ARHGAP36: variants seen among roughly 807,000 people sequenced by gnomAD.
ARHGAP36 encodes Rho GTPase activating protein 36.
In ARHGAP36, 7 loss-of-function variants were observed where a neutral mutation model predicts 32.9. That is an observed-to-expected ratio of 0.21 (90% CI 0.12 to 0.40). The LOEUF (loss-of-function observed/expected upper bound fraction) is 0.40, where lower values mean the gene tolerates loss of function less well. ARHGAP36 is among the 10% of genes least tolerant of loss of function. The pLI, the probability that ARHGAP36 is intolerant of heterozygous loss-of-function variation, is 1.00. For missense variants in ARHGAP36, 383 were observed against 442.2 expected (o/e 0.87, Z 1.20); for synonymous variants, 165 against 168.3 (o/e 0.98, Z 0.15).
At chrX:131,063,960 T>C (rs766903745) in intron 1 of ARHGAP36, among the ~76,000 whole-genome samples, 2 of 112,095 alleles carry the variant, frequency 1.8e-5, no homozygotes, top group South Asian at 7.6e-4. Context: ...CTGCATAGCA[T>C]ATCTCAGAGA....
chrX:131,063,610 T>A (rs774404445), intron 1 of ARHGAP36, among the ~76,000 whole-genome samples: 1 of 110,333 alleles, frequency 9.1e-6, no homozygotes, highest in South Asian at 4.0e-4. Context: ...CCTTCCAGAG[T>A]CTGGGAACAT....
chrX:131,083,744 C>G lies in ARHGAP36; in HGVS notation c.330C>G (p.His110Gln), dbSNP rs1362692388. The G allele has an allele frequency of 8.3e-7, 1 of 1,211,247 alleles. No homozygotes were observed. Residue 110 changes from histidine (H) to glutamine (Q), a missense_variant, in exon 4 of 12, where the codon CAC becomes CAG. Physicochemically the swap from His to Gln is conservative, Grantham distance 24 (BLOSUM62 0). Coordinates refer to ENST00000276211, the MANE Select transcript of ARHGAP36 (RefSeq NM_144967.4). ...CTCGTGGCTCCCCAGCTGTATCACA[C>G]AAGACATTTGGCATTAGCCTGGAAG... Reference protein sequence around the residue: ...ILRGQQRAVSHKTFGISLEEV... With the variant: ...ILRGQQRAVSQKTFGISLEEV...
chrX:131,078,936 G>A (rs1468552299), intron 1 of ARHGAP36, among the ~76,000 whole-genome samples: 1 of 111,145 alleles, frequency 9.0e-6, no homozygotes, highest in Non-Finnish European at 1.9e-5. Context: ...TCTCCTTTTG[G>A]GGCTGTTGTT....
Position 131,084,514 on chromosome X carries a change from A to G in ARHGAP36, c.748+107A>G, listed in dbSNP as rs1040982512. On this transcript the variant is annotated intron_variant, in intron 5 of 11. Coordinates refer to ENST00000276211, the MANE Select transcript of ARHGAP36 (RefSeq NM_144967.4). Reference sequence around the variant, plus strand: ...GCCGAGGATGAAGGGCTTGGATAACATTCCCCTGACACCCAGTGGAGGTCG... The same window carrying G: ...GCCGAGGATGAAGGGCTTGGATAACGTTCCCCTGACACCCAGTGGAGGTCG... 1.9e-5 allele frequency: 21 copies of G among 1,131,856 alleles called. No homozygotes were observed. In the Admixed American group the frequency reaches 2.5e-4, roughly 14 times the overall value. 93.3% of individuals were successfully genotyped at this position (1,131,856 alleles called of 1,213,427 possible).
intron 1 of ARHGAP36, among the ~76,000 whole-genome samples, chrX:131,067,310 A>T (rs1035243287): frequency 8.8e-5 from 10 of 113,011 alleles, no homozygotes. Context: ...GAGGGGTGTC[A>T]GGTCAGAGAC....
At chrX:131,084,735 G>T (rs1439156050) in intron 6 of ARHGAP36, 54 bp downstream of exon 6, 2 of 1,197,010 alleles carry the variant, frequency 1.7e-6, no homozygotes, top group African/African-American at 3.5e-5. Context: ...AGCAGGAGGA[G>T]GTGGGGTTTC....
At chrX:131,085,562 G>C (rs761692655) in intron 7 of ARHGAP36, 26 bp from the exon 8 acceptor site, 1 of 1,204,712 alleles carries the variant, frequency 8.3e-7, no homozygotes, top group Admixed American at 2.2e-5. Context: ...ATCCCCCTGA[G>C]ACAGCCCCTG....
Position 131,081,624 on chromosome X carries a change from G to A in ARHGAP36, c.-42G>A. 8.4e-7 allele frequency: 1 copy of A among 1,187,790 alleles called. No individual in the cohort carries two copies. Among genetic ancestry groups the A allele is most frequent in the Non-Finnish European group, 1.1e-6 (1 of 884,240 alleles). On this transcript the variant is annotated 5_prime_UTR_variant, in exon 2 of 12. Coordinates refer to ENST00000276211, the MANE Select transcript of ARHGAP36 (RefSeq NM_144967.4). ...CATAGTTCTCTCCACCAGGTCCAGT[G>A]ACAATTGGATGATGCAGCCTTGATA... is the stretch of plus-strand genomic sequence containing the variant.
At chrX:131,082,516 C>T (rs1306629353) in intron 2 of ARHGAP36, among the ~76,000 whole-genome samples, 2 of 112,714 alleles carry the variant, frequency 1.8e-5, no homozygotes, top group Non-Finnish European at 3.8e-5. Context: ...GGGGTAAGCG[C>T]GCGGATTTGG....
rs2079824762 is a variant in ARHGAP36, at chrX:131,084,677, G to A, written c.800G>A (p.Arg267His). ...CTTGAATACTCCGTGCAGCGAGTGC[G>A]TCAGGTAAATTGGCTATGTTTACAT... ...FTLEYSVQRV[R>H]QLREEFDQGL... The change falls in exon 6 of 12, where the codon CGT becomes CAT. Residue 267 changes from arginine to histidine, a missense_variant. Arg to His is a conservative substitution (Grantham distance 29). This residue lies in a region of ARHGAP36 where 227 missense variants were observed against 311.3 expected (regional missense o/e 0.73). Coordinates refer to ENST00000276211, the MANE Select transcript of ARHGAP36 (RefSeq NM_144967.4). The A allele has an allele frequency of 8.3e-7, 1 of 1,211,716 alleles. No homozygotes were observed. The highest frequency in any genetic ancestry group is 1.7e-5 in the African/African-American group (1 of 57,866).
At chrX:131,075,761 C>T (rs1425452357) in intron 1 of ARHGAP36, among the ~76,000 whole-genome samples, 1 of 110,228 alleles carries the variant, frequency 9.1e-6, no homozygotes, top group East Asian at 2.8e-4. Context: ...AGAAGGTAGT[C>T]TTGGTTTAGA....
intron 1 of ARHGAP36, among the ~76,000 whole-genome samples, 189 bp from the exon 2 acceptor site, chrX:131,081,331 TTAAC>T (rs1266412249): frequency 9.0e-6 from 1 of 111,215 alleles, no homozygotes; most frequent in South Asian, 3.8e-4. Flanking sequence ...CTCTAATTAA[TTAAC>T]TAATTAATTA....
At chrX:131,078,856 T>C (rs887969831) in intron 1 of ARHGAP36, 12 of 586,267 alleles carry the variant, frequency 2.0e-5, no homozygotes, top group African/African-American at 4.7e-5. Context: ...CGGTTTATTC[T>C]AAGGCCTTTG....
Position 131,086,668 on chromosome X carries a change from C to G in ARHGAP36, c.1486+3C>G, listed in dbSNP as rs781021878. The G allele has an allele frequency of 2.5e-6, 3 of 1,208,418 alleles. No homozygotes were observed. The highest frequency in any genetic ancestry group is 3.4e-6 in the Non-Finnish European group (3 of 892,781). ...TCAAAGCAAGCCTTCTGATGAAGGT[C>G]AGTTCCCTGCTGGAGGTCAGGCCCT... On this transcript the variant is annotated splice_donor_region_variant and intron_variant, in intron 11 of 11. Transcript: ENST00000276211.
chrX:131,062,836 A>C (rs5975237), intron 1 of ARHGAP36, among the ~76,000 whole-genome samples: 8,068 of 111,584 alleles, frequency 0.072, 484 homozygotes, highest in African/African-American at 0.2. Flanking sequence ...AATCTCAGAG[A>C]AGTTTAGTAA....
chrX:131,088,742 G>A lies in ARHGAP36; in HGVS notation c.1601G>A (p.Arg534Gln), dbSNP rs376197707. 6 of 1,208,943 alleles carry A rather than the reference G, an allele frequency of 5.0e-6. No individual in the cohort carries two copies. The South Asian group carries it at 7.1e-5, about 14-fold the overall frequency. ...GACCGCCCATTGCTCCGTGTGCCCCGGGAGAAGGAGGCCAAAACTGGCGTC... is the reference window on the plus strand; with the variant it reads ...GACCGCCCATTGCTCCGTGTGCCCCAGGAGAAGGAGGCCAAAACTGGCGTC... ...EQDRPLLRVP[R>Q]EKEAKTGVSY... Residue 534 changes from arginine (R) to glutamine (Q), a missense_variant, in exon 12 of 12, where the codon CGG becomes CAG. Arg to Gln is a conservative substitution (Grantham distance 43). Around this residue, in one of 2 missense-constraint regions of ARHGAP36, gnomAD observed 227 missense variants for 311.3 expected, o/e 0.73. Transcript: ENST00000276211.
intron 1 of ARHGAP36, 100 bp downstream of exon 1, chrX:131,058,544 C>T (rs1320513802): frequency 5.7e-6 from 4 of 706,020 alleles, no homozygotes; most frequent in South Asian, 5.8e-5. Context: ...CTGGTCGCCC[C>T]CTTGCCTCCC....
At chrX:131,070,247 C>G (rs760321101) in intron 1 of ARHGAP36, among the ~76,000 whole-genome samples, 1 of 112,572 alleles carries the variant, frequency 8.9e-6, no homozygotes, top group African/African-American at 3.2e-5. Flanking sequence ...AAGAAAGCCT[C>G]TTTCCTGGAG....
chrX:131,088,647 T>A lies in ARHGAP36; in HGVS notation c.1506T>A (p.Ala502=). Reference sequence around the variant, plus strand: ...TTTCAGGTTCCTCTGAGGAGCCAGCTGTGCCTTCCGGCACTGCCCGTTCCC... The same window carrying A: ...TTTCAGGTTCCTCTGAGGAGCCAGCAGTGCCTTCCGGCACTGCCCGTTCCC... ...PSDEGSSEEP[A]VPSGTARSHD... Residue 502 remains alanine, a synonymous_variant, in exon 12 of 12, where the codon GCT becomes GCA. Coordinates refer to ENST00000276211, the MANE Select transcript of ARHGAP36 (RefSeq NM_144967.4). The A allele has an allele frequency of 8.3e-7, 1 of 1,210,299 alleles. No individual in the cohort carries two copies. Among genetic ancestry groups the A allele is most frequent in the Non-Finnish European group, 1.1e-6 (1 of 895,028 alleles).
Sources: allele counts gnomAD v4.1 joint callset (sites outside exome capture counted in the v4.1 genomes callset), GRCh38; gene constraint gnomAD v4.1.1; regional missense constraint gnomAD v4.1.1; transcripts MANE v1.5; gene names NCBI Gene and HGNC (gene_info 2026-07-23, HGNC 2026-07-21).